The following SRL variants were observed in gnomAD, a reference collection of about 807,000 sequenced individuals.
SRL encodes the protein sarcalumenin.
A neutral mutation model predicts 39.5 loss-of-function variants in SRL; 23 were observed. The ratio of observed to expected loss-of-function variants is 0.58; its 90% CI spans 0.42 to 0.82. The LOEUF (loss-of-function observed/expected upper bound fraction) is 0.82. Among genes scored for constraint, SRL ranks in the 40% least tolerant of loss-of-function variants. The probability of loss-of-function intolerance (pLI) is 0.00; values close to 1 mark genes in which losing one functional copy is unlikely to be tolerated. For missense variants in SRL, 592 were observed against 607.8 expected, an observed-to-expected ratio of 0.97 and a Z score of 0.27; for synonymous variants, 272 against 237.4, an observed-to-expected ratio of 1.15 and a Z score of -1.34.
chr16:4,200,261 C>T (rs116627959), intron 3 of SRL, among the ~76,000 whole-genome samples: 2,435 of 152,298 alleles, frequency 0.016, 62 homozygotes, highest in African/African-American at 0.056. Context: ...GAGAGGGTGG[C>T]AGGAATCCCC....
At chr16:4,207,304 C>A (rs1015329766) in intron 1 of SRL, 6 of 456,758 alleles carry the variant, frequency 1.3e-5, no homozygotes, top group Non-Finnish European at 2.6e-5. Context: ...GTGTCCCCTG[C>A]CTTAACGCTT....
chr16:4,209,945 G>A (rs1224116917), intron 1 of SRL, among the ~76,000 whole-genome samples: 2 of 152,114 alleles, frequency 1.3e-5, no homozygotes, highest in East Asian at 1.9e-4. Context: ...CAGGGCACAG[G>A]GGACCCCTTC....
intron 1 of SRL, among the ~76,000 whole-genome samples, chr16:4,224,168 A>C (rs1274379735): frequency 6.6e-6 from 1 of 152,078 alleles, no homozygotes; most frequent in African/African-American, 2.4e-5. Context: ...GAGTAGAAAG[A>C]TCAGTGTTAG....
At chr16:4,209,011 G>T (rs1254903277) in intron 1 of SRL, among the ~76,000 whole-genome samples, 1 of 152,192 alleles carries the variant, frequency 6.6e-6, no homozygotes, top group African/African-American at 2.4e-5. Flanking sequence ...GGTGGCTCAT[G>T]CCTGTAATCC....
At chr16:4,235,080 G>A (rs372280483) in intron 1 of SRL, among the ~76,000 whole-genome samples, 1 of 152,174 alleles carries the variant, frequency 6.6e-6, no homozygotes, top group African/African-American at 2.4e-5. Context: ...GACAGGGGTC[G>A]GAGCAGGGGC....
In SRL at chr16:4,191,740, A is replaced by G. The variant is rs2052068110; in HGVS notation, c.*413T>C. On this transcript the variant is annotated 3_prime_UTR_variant, in exon 6 of 6. Transcript: ENST00000399609. ...AGACTGTGGGTGTGGAAAGAAGCCA[A>G]AATGGACCTGACAATCTCTACGACT... 5.9e-6 allele frequency: 1 copy of G among 168,830 alleles called. No homozygotes were observed. The highest frequency in any genetic ancestry group is 6.0e-5 in the Admixed American group (1 of 16,712). 10.5% of individuals were successfully genotyped at this position (168,830 alleles called of 1,614,324 possible).
chr16:4,204,535 G>C lies in SRL; in HGVS notation c.161C>G (p.Ser54Cys), dbSNP rs754152552. ...LNEDKPSDDY[S>C]AVLQRLRKIY... ...GCATATCTCCCTCCCCTGGTTACCA[G>C]AGTAGTCATCGGATGGCTTGTCCTC... is the stretch of plus-strand genomic sequence containing the variant. Residue 54 changes from serine (S) to cysteine (C), a missense_variant and splice_region_variant, in exon 2 of 6, where the codon TCT becomes TGT. Ser to Cys is a moderately radical substitution (Grantham distance 112). Transcript: ENST00000399609. 4 of 1,529,658 alleles carry C rather than the reference G, an allele frequency of 2.6e-6. No individual in the cohort carries two copies. Among genetic ancestry groups the C allele is most frequent in the South Asian group, 1.1e-5 (1 of 88,512 alleles). 94.8% of individuals were successfully genotyped at this position (1,529,658 alleles called of 1,614,324 possible).
intron 1 of SRL, among the ~76,000 whole-genome samples, chr16:4,235,418 G>C (rs930112982): frequency 6.6e-6 from 1 of 152,222 alleles, no homozygotes; most frequent in African/African-American, 2.4e-5. Context: ...AAAGTCAGCT[G>C]CGTGCAGTGG....
At chr16:4,236,099 A>C (rs914421463) in intron 1 of SRL, among the ~76,000 whole-genome samples, 6 of 152,150 alleles carry the variant, frequency 3.9e-5, no homozygotes, top group African/African-American at 1.4e-4. Context: ...AGAAAACGTA[A>C]AGAAAAATAT....
chr16:4,220,455 AAC>A lies in SRL; in HGVS notation c.62-15823_62-15822del, dbSNP rs58333524. On this transcript the variant is annotated intron_variant, in intron 1 of 5. Coordinates refer to ENST00000399609, the MANE Select transcript of SRL (RefSeq NM_001098814.2). ...AGGAGACACTGTCCTAGAAAAAAAA[AAC>A]ACACACACATCTCATGTCTTCCCTG... is the stretch of plus-strand genomic sequence containing the variant. Among the ~76,000 whole-genome samples, 425 of 151,544 alleles carry A rather than the reference AAC, an allele frequency of 2.8e-3. 2 individuals carry two copies. The highest frequency in any genetic ancestry group is 5.3e-3 in the Admixed American group (81 of 15,250).
chr16:4,216,694 C>T (rs1026893412), intron 1 of SRL, among the ~76,000 whole-genome samples: 1 of 152,182 alleles, frequency 6.6e-6, no homozygotes, highest in Non-Finnish European at 1.5e-5. Context: ...AGAGATCAGC[C>T]GTGCCTGCAG....
intron 1 of SRL, among the ~76,000 whole-genome samples, chr16:4,225,466 G>A (rs2052576951): frequency 6.6e-6 from 1 of 151,724 alleles, no homozygotes; most frequent in South Asian, 2.1e-4. Flanking sequence ...CACCTATAGT[G>A]CCAGCTACTC....
intron 1 of SRL, among the ~76,000 whole-genome samples, chr16:4,220,278 A>AACACACAC (rs71394664): frequency 0.15 from 21,494 of 140,630 alleles, 1,804 homozygotes; most frequent in Middle Eastern, 0.26. Flanking sequence ...TCTCTACTAA[A>AACACACAC]ACACACACAC....
intron 1 of SRL, among the ~76,000 whole-genome samples, chr16:4,235,092 C>T (rs572945427): frequency 6.6e-6 from 1 of 152,272 alleles, no homozygotes; most frequent in African/African-American, 2.4e-5. Context: ...AGCAGGGGCC[C>T]AGCCTGAGTA....
intron 1 of SRL, among the ~76,000 whole-genome samples, chr16:4,229,169 C>T (rs1046381812): frequency 1.7e-4 from 26 of 152,046 alleles, no homozygotes; most frequent in African/African-American, 5.6e-4. Context: ...CATGGCTGGG[C>T]GCAGTGGCTC....
chr16:4,235,248 C>G (rs539811723), intron 1 of SRL, among the ~76,000 whole-genome samples: 14 of 152,200 alleles, frequency 9.2e-5, no homozygotes, highest in Non-Finnish European at 1.6e-4. Context: ...CGGGAGAGAA[C>G]AGAAGCCAGC....
chr16:4,212,111 G>A (rs1044102407), intron 1 of SRL, among the ~76,000 whole-genome samples: 3 of 152,158 alleles, frequency 2.0e-5, no homozygotes, highest in African/African-American at 7.2e-5. Context: ...GCCCTGGGCA[G>A]GAAGCAAGGT....
chr16:4,192,260 G>A lies in SRL; in HGVS notation c.1315C>T (p.Leu439Phe), dbSNP rs774987703. The change falls in exon 6 of 6, where the codon CTT becomes TTT. Residue 439 changes from leucine (L) to phenylalanine (F), a missense_variant. Transcript: ENST00000399609. The surrounding 1 kb of genome is among the most constrained non-coding windows in gnomAD (Gnocchi z 4.0). ...CCGAGGCTACCCAGGAGGCCCGGAA[G>A]CTCCTGAGTGATGGCCCGCTCAATC... ...EKIERAITQELPGLLGSLGLG... is the reference protein window; with the variant it reads ...EKIERAITQEFPGLLGSLGLG... The A allele has an allele frequency of 5.6e-6, 9 of 1,613,906 alleles. No individual in the cohort carries two copies. In the Admixed American group the frequency reaches 1.0e-4, roughly 18 times the overall value.
chr16:4,214,724 A>G (rs2052434858), intron 1 of SRL, among the ~76,000 whole-genome samples: 1 of 149,690 alleles, frequency 6.7e-6, no homozygotes, highest in Non-Finnish European at 1.5e-5. Flanking sequence ...CCTTGACTTT[A>G]TCCTACTGGG....
Sources: allele counts gnomAD v4.1 joint callset (sites outside exome capture counted in the v4.1 genomes callset), GRCh38; gene constraint gnomAD v4.1.1; non-coding constraint Gnocchi (gnomAD v3.1); transcripts MANE v1.5; gene names NCBI Gene and HGNC (gene_info 2026-07-23, HGNC 2026-07-21).